The following SLC9C1 variants were observed in gnomAD, a reference collection of about 807,000 sequenced individuals.
SLC9C1 encodes solute carrier family 9 member C1, also known as sodium/hydrogen exchanger 10.
In SLC9C1, 97 loss-of-function variants were observed where a neutral mutation model predicts 140.9. The ratio of observed to expected loss-of-function variants is 0.69; its 90% CI spans 0.58 to 0.82. The LOEUF is 0.82. Among genes scored for constraint, SLC9C1 ranks in the 40% least tolerant of loss-of-function variants. The probability of loss-of-function intolerance (pLI) is 0.00; values close to 1 mark genes in which losing one functional copy is unlikely to be tolerated. For synonymous variants in SLC9C1, 440 were observed against 442.6 expected (o/e 0.99, Z 0.07); for missense variants, 1,340 against 1,389.3 (o/e 0.96, Z 0.56).
At chr3:112,223,641 AAAAG>A (rs920702675) in intron 13 of SLC9C1, among the ~76,000 whole-genome samples, 38 of 152,288 alleles carry the variant, frequency 2.5e-4, no homozygotes, top group South Asian at 1.2e-3. Flanking sequence ...AAGGAAAAGA[AAAAG>A]AAAGAAATTA....
intron 26 of SLC9C1, 41 bp downstream of exon 26, chr3:112,167,180 G>C: frequency 6.3e-7 from 1 of 1,596,362 alleles, no homozygotes; most frequent in Non-Finnish European, 8.5e-7. Flanking sequence ...TTTATAAAGG[G>C]AAAGTAAGTT....
chr3:112,221,182 C>T lies in SLC9C1; in HGVS notation c.1616G>A (p.Ser539Asn), dbSNP rs775372131. Residue 539 changes from serine (S) to asparagine (N), a missense_variant, in exon 14 of 29, where the codon AGT becomes AAT. By Grantham distance (46) the Ser-to-Asn change is conservative. Coordinates refer to ENST00000305815, the MANE Select transcript of SLC9C1 (RefSeq NM_183061.3). Reference protein sequence around the residue: ...RQYRNEILSQSAVQVLVGAAE... With the variant: ...RQYRNEILSQNAVQVLVGAAE... ...TGCACCAACCAACACCTGGACAGCA[C>T]TCTGGGACAGAATCTCATTCCTGTA... The T allele has an allele frequency of 5.2e-5, 84 of 1,613,526 alleles. No homozygotes were observed. The South Asian group carries it at 8.0e-4, about 15-fold the overall frequency.
Position 112,185,603 on chromosome 3 carries a change from G to A in SLC9C1, c.2524-3345C>T. The A allele has an allele frequency of 3.1e-6, 5 of 1,598,976 alleles. No homozygotes were observed. In the East Asian group the frequency reaches 6.7e-5, roughly 22 times the overall value. On this transcript the variant is annotated intron_variant, in intron 20 of 28. Transcript: ENST00000305815. ...CCCGGGGTCCCAGGGCTCGCCCGAAGCCCTCTCTCCCAAGGGGCAGGCTCC... is the reference window on the plus strand; with the variant it reads ...CCCGGGGTCCCAGGGCTCGCCCGAAACCCTCTCTCCCAAGGGGCAGGCTCC...
intron 26 of SLC9C1, among the ~76,000 whole-genome samples, chr3:112,166,061 C>T (rs2107907903): frequency 6.6e-6 from 1 of 152,318 alleles, no homozygotes; most frequent in Non-Finnish European, 1.5e-5. Context: ...TCGTAGGACC[C>T]TCCAAGCCAG....
chr3:112,216,489 A>T (rs527349370), intron 15 of SLC9C1, among the ~76,000 whole-genome samples: 13 of 151,430 alleles, frequency 8.6e-5, no homozygotes, highest in African/African-American at 2.9e-4. Context: ...GAATCTATAA[A>T]GAACTCAAAC....
chr3:112,276,368 A>T, intron 5 of SLC9C1, among the ~76,000 whole-genome samples: 1 of 139,852 alleles, frequency 7.2e-6, no homozygotes, highest in East Asian at 2.3e-4. Flanking sequence ...TTTTTCAAGT[A>T]TATATATATA....
intron 10 of SLC9C1, among the ~76,000 whole-genome samples, chr3:112,251,918 C>T (rs2079470190): frequency 6.6e-6 from 1 of 152,146 alleles, no homozygotes; most frequent in Non-Finnish European, 1.5e-5. Context: ...GAGGTATGGA[C>T]AGGGATCTAA....
chr3:112,245,544 G>C (rs2079259030), intron 10 of SLC9C1, among the ~76,000 whole-genome samples: 1 of 151,546 alleles, frequency 6.6e-6, no homozygotes, highest in African/African-American at 2.4e-5. Flanking sequence ...CCATATATGT[G>C]AGTCTTTTTT....
intron 15 of SLC9C1, among the ~76,000 whole-genome samples, chr3:112,216,658 T>C (rs2078380150): frequency 6.6e-6 from 1 of 152,164 alleles, no homozygotes; most frequent in African/African-American, 2.4e-5. Context: ...CACAATGAGA[T>C]ACCATCTCAC....
chr3:112,271,037 G>A (rs2080058044), intron 6 of SLC9C1, among the ~76,000 whole-genome samples: 1 of 152,072 alleles, frequency 6.6e-6, no homozygotes, highest in Non-Finnish European at 1.5e-5. Context: ...GATGAACCTA[G>A]AGGACATTAT....
At chr3:112,147,116 C>A (rs954304906) in intron 28 of SLC9C1, among the ~76,000 whole-genome samples, 3 of 152,084 alleles carry the variant, frequency 2.0e-5, no homozygotes, top group Non-Finnish European at 4.4e-5. Flanking sequence ...AAAATAGTGA[C>A]CCCTGCTCTT....
intron 28 of SLC9C1, among the ~76,000 whole-genome samples, chr3:112,147,989 C>G (rs1033629689): frequency 3.3e-5 from 5 of 152,146 alleles, no homozygotes; most frequent in Admixed American, 3.3e-4. Context: ...TTATTTCAGG[C>G]AGACAGGGTT....
chr3:112,245,060 A>G (rs1295945491), intron 10 of SLC9C1, among the ~76,000 whole-genome samples: 1 of 152,192 alleles, frequency 6.6e-6, no homozygotes, highest in East Asian at 1.9e-4. Context: ...CATCCCCAAA[A>G]TTTCTCTAAT....
At chr3:112,167,411 G>T in intron 25 of SLC9C1, 64 bp from the exon 26 acceptor site, 1 of 1,475,766 alleles carries the variant, frequency 6.8e-7, no homozygotes, top group East Asian at 2.4e-5. Context: ...AATTTACCTA[G>T]TAAGCTGCTA....
chr3:112,207,125 C>G (rs1322328780), intron 16 of SLC9C1, among the ~76,000 whole-genome samples: 1 of 152,038 alleles, frequency 6.6e-6, no homozygotes, highest in East Asian at 1.9e-4. Context: ...AAAATTCCTA[C>G]TATTTTGTGA....
Position 112,144,258 on chromosome 3 carries a change from A to G in SLC9C1, c.3525-2977T>C, listed in dbSNP as rs576367986. 4.9e-5 allele frequency among the ~76,000 whole-genome samples: 7 copies of G among 144,080 alleles called. No homozygotes were observed. The South Asian group carries it at 1.6e-3, about 32-fold the overall frequency. 94.5% of individuals were successfully genotyped at this position (144,080 alleles called of 152,430 possible). A position where few individuals can be genotyped will look rare whatever the true frequency, so the allele number is the denominator to read the frequency against. The stretch of plus-strand genomic sequence containing the variant: ...AATGGTGTGATCTTGGCTCACTGCA[A>G]CCTCCGCCTCCTGGGTTCAAGCAAT... On this transcript the variant is annotated intron_variant, in intron 28 of 28. Coordinates refer to ENST00000305815, the MANE Select transcript of SLC9C1 (RefSeq NM_183061.3).
intron 12 of SLC9C1, among the ~76,000 whole-genome samples, chr3:112,234,965 T>G (rs1220963125): frequency 2.0e-5 from 3 of 151,990 alleles, no homozygotes; most frequent in Admixed American, 1.3e-4. Context: ...TGTGGGCTCT[T>G]TTTTGGTTCC....
chr3:112,242,480 CAATT>C (rs2079163084), intron 11 of SLC9C1, among the ~76,000 whole-genome samples: 1 of 151,950 alleles, frequency 6.6e-6, no homozygotes, highest in Non-Finnish European at 1.5e-5. Context: ...AAAATTAAAA[CAATT>C]AAACTTATGG....
chr3:112,160,391 G>A (rs1400620634), intron 26 of SLC9C1, among the ~76,000 whole-genome samples: 1 of 150,824 alleles, frequency 6.6e-6, no homozygotes, highest in African/African-American at 2.4e-5. Flanking sequence ...TCTAGCATTA[G>A]GTATATCTCC....
Sources: allele counts gnomAD v4.1 joint callset (sites outside exome capture counted in the v4.1 genomes callset), GRCh38; gene constraint gnomAD v4.1.1; transcripts MANE v1.5; gene names NCBI Gene and HGNC (gene_info 2026-07-23, HGNC 2026-07-21).